CHN2: variants seen among roughly 807,000 people sequenced by gnomAD.
CHN2 encodes the protein beta-chimaerin.
CHN2 carries 35 observed loss-of-function variants against 56.3 expected under a neutral mutation model. The ratio of observed to expected loss-of-function variants is 0.62; its 90% CI spans 0.47 to 0.82. CHN2 has a LOEUF of 0.82. Ranked by LOEUF, CHN2 falls within the 40% of genes least tolerant of loss-of-function variation. The probability of loss-of-function intolerance (pLI) is 0.00; values close to 1 mark genes in which losing one functional copy is unlikely to be tolerated. For missense variants in CHN2, 491 were observed against 580.5 expected, an observed-to-expected ratio of 0.85 and a Z score of 1.58; for synonymous variants, 210 against 212.8, an observed-to-expected ratio of 0.99 and a Z score of 0.12.
chr7:29,258,850 A>G (rs546482531), intron 1 of CHN2, among the ~76,000 whole-genome samples: 1 of 152,324 alleles, frequency 6.6e-6, no homozygotes, highest in East Asian at 1.9e-4. Context: ...AGAAGTACAC[A>G]TGCAATCCCA....
chr7:29,338,927 C>A lies in CHN2; in HGVS notation c.50-15698C>A, dbSNP rs770496961. Reference sequence around the variant, plus strand: ...ACACTGCATACAAAACATCTAACAACGTAATGAAAGACTATTAATAAAGGC... The same window carrying A: ...ACACTGCATACAAAACATCTAACAAAGTAATGAAAGACTATTAATAAAGGC... On this transcript the variant is annotated intron_variant, in intron 1 of 12. Transcript: ENST00000222792. Among the ~76,000 whole-genome samples the A allele has an allele frequency of 7.2e-5, 11 of 152,206 alleles. 1 individual carries two copies. In the South Asian group the frequency reaches 1.2e-3, roughly 17 times the overall value.
intron 1 of CHN2, among the ~76,000 whole-genome samples, chr7:29,210,441 C>T (rs562418765): frequency 2.7e-5 from 4 of 147,588 alleles, no homozygotes; most frequent in East Asian, 1.9e-4. Flanking sequence ...ACACACACAC[C>T]GTGCACACAC....
intron 1 of CHN2, among the ~76,000 whole-genome samples, chr7:29,204,159 C>T (rs988360230): frequency 6.7e-6 from 1 of 149,328 alleles, no homozygotes; most frequent in Non-Finnish European, 1.5e-5. Context: ...GATGTCCTGC[C>T]ATGGATAAGT....
intron 2 of CHN2, among the ~76,000 whole-genome samples, chr7:29,356,922 G>A (rs1391217115): frequency 2.6e-5 from 4 of 152,172 alleles, no homozygotes; most frequent in Admixed American, 6.5e-5. Flanking sequence ...ACACTGGCTC[G>A]CGCATGGCCT....
At chr7:29,202,506 A>G (rs1447163653) in intron 1 of CHN2, among the ~76,000 whole-genome samples, 1 of 152,206 alleles carries the variant, frequency 6.6e-6, no homozygotes, top group Non-Finnish European at 1.5e-5. Flanking sequence ...TAAAGTGTCA[A>G]GTTAACTGTC....
chr7:29,502,346 G>A (rs1173704475), intron 9 of CHN2, among the ~76,000 whole-genome samples: 1 of 152,044 alleles, frequency 6.6e-6, no homozygotes, highest in Admixed American at 6.5e-5. Context: ...AATCACAGTT[G>A]GCCACCACCA....
intron 1 of CHN2, among the ~76,000 whole-genome samples, chr7:29,245,780 C>T (rs932979329): frequency 1.1e-4 from 16 of 152,166 alleles, no homozygotes; most frequent in East Asian, 7.7e-4. Flanking sequence ...CACACACTCA[C>T]GACTTTCACA....
At chr7:29,345,745 A>G (rs1036692248) in intron 1 of CHN2, among the ~76,000 whole-genome samples, 1 of 152,094 alleles carries the variant, frequency 6.6e-6, no homozygotes, top group Non-Finnish European at 1.5e-5. Flanking sequence ...GAATCTCATC[A>G]TGCCTCTGTG....
At chr7:29,166,197 T>TTTTTG (rs1013747763) in intron 2 of CHN2, among the ~76,000 whole-genome samples, 4 of 152,052 alleles carry the variant, frequency 2.6e-5, no homozygotes, top group Admixed American at 2.6e-4. Flanking sequence ...CATCCAGTTT[T>TTTTTG]TTTTTGTTTT....
intron 1 of CHN2, among the ~76,000 whole-genome samples, chr7:29,259,718 A>G (rs1789390801): frequency 6.6e-6 from 1 of 151,972 alleles, no homozygotes; most frequent in Admixed American, 6.6e-5. Context: ...AAGTGGCCTC[A>G]CTCTCCCACC....
At chr7:29,400,878 C>T in intron 6 of CHN2, 50 bp downstream of exon 6, 1 of 1,574,502 alleles carries the variant, frequency 6.4e-7, no homozygotes. Context: ...CATGCCGCAT[C>T]AACAGGCGGG....
At chr7:29,495,053 A>G (rs1489775506) in intron 7 of CHN2, among the ~76,000 whole-genome samples, 1 of 150,164 alleles carries the variant, frequency 6.7e-6, no homozygotes, top group Non-Finnish European at 1.5e-5. Flanking sequence ...ATAACATTTT[A>G]ACTTTGTAAA....
chr7:29,170,869 A>C (rs771432268), intron 2 of CHN2, among the ~76,000 whole-genome samples: 1 of 152,208 alleles, frequency 6.6e-6, no homozygotes, highest in African/African-American at 2.4e-5. Context: ...GAGCTTGTGC[A>C]GGAAAACTTC....
rs559843330 is a variant in CHN2, at chr7:29,327,735, G to A, written c.50-26890G>A. Among the ~76,000 whole-genome samples, 12 of 152,304 alleles carry A rather than the reference G, an allele frequency of 7.9e-5. No individual in the cohort carries two copies. The South Asian group carries it at 1.7e-3, about 21-fold the overall frequency. ...CTGGAGCCTAGAGCGCCGTATAAAT[G>A]CTATAGGATAATAACCAGTTTACGG... On this transcript the variant is annotated intron_variant, in intron 1 of 12. Transcript: ENST00000222792.
chr7:29,277,265 T>C (rs941645107), intron 1 of CHN2, among the ~76,000 whole-genome samples: 1 of 152,188 alleles, frequency 6.6e-6, no homozygotes, highest in African/African-American at 2.4e-5. Flanking sequence ...ATGGATATCA[T>C]TGGAGCATCT....
At chr7:29,279,667 G>A (rs570202621) in intron 1 of CHN2, among the ~76,000 whole-genome samples, 17 of 152,208 alleles carry the variant, frequency 1.1e-4, no homozygotes, top group Non-Finnish European at 1.6e-4. Context: ...CAGGAGGAAA[G>A]GCATTTTTGG....
intron 1 of CHN2, among the ~76,000 whole-genome samples, chr7:29,297,861 A>G (rs1269781954): frequency 6.6e-6 from 1 of 152,176 alleles, no homozygotes; most frequent in Non-Finnish European, 1.5e-5. Context: ...AGGAAAAAAG[A>G]AGGCGTTTTT....
intron 6 of CHN2, among the ~76,000 whole-genome samples, chr7:29,404,591 C>G (rs565826069): frequency 1.0e-3 from 156 of 152,126 alleles, no homozygotes; most frequent in Non-Finnish European, 1.6e-3. Context: ...GAATGAGAAC[C>G]CTCATATGGG....
chr7:29,359,651 C>T (rs954056997), intron 2 of CHN2, among the ~76,000 whole-genome samples: 5 of 152,186 alleles, frequency 3.3e-5, no homozygotes, highest in African/African-American at 1.2e-4. Context: ...ATTCTTAACT[C>T]TCAAGACTGA....
Sources: gnomAD v4.1 joint callset for allele counts (sites outside exome capture counted in the v4.1 genomes callset) on GRCh38, gnomAD v4.1.1 for gene constraint, MANE v1.5 for transcripts, NCBI Gene and HGNC (gene_info 2026-07-23, HGNC 2026-07-21) for gene names.